Variants in CDH13 observed in about 807,000 individuals in gnomAD.
CDH13 encodes the protein cadherin 13.
In CDH13, 24 loss-of-function variants were observed where a neutral mutation model predicts 63.8. The observed-to-expected ratio is 0.38, with a 90% CI of 0.27 to 0.53. The LOEUF is 0.53. Ranked by LOEUF, CDH13 falls within the 20% of genes least tolerant of loss-of-function variation. The probability of loss-of-function intolerance (pLI) is 0.85; values close to 1 mark genes in which losing one functional copy is unlikely to be tolerated. For missense variants in CDH13, 1,049 were observed against 903.1 expected (o/e 1.16, Z -2.07); for synonymous variants, 503 against 355.3 (o/e 1.42, Z -4.67).
chr16:83,291,640 A>G (rs1356401484), intron 5 of CDH13, among the ~76,000 whole-genome samples: 1 of 152,172 alleles, frequency 6.6e-6, no homozygotes, highest in African/African-American at 2.4e-5. Context: ...GGTGGCCGTC[A>G]TAACTGTTTG....
intron 3 of CDH13, among the ~76,000 whole-genome samples, chr16:83,042,740 G>A (rs1318504366): frequency 3.9e-5 from 6 of 152,146 alleles, no homozygotes. Context: ...TAATTACCTT[G>A]TCTCTAAACC....
chr16:83,223,715 A>T (rs1029991098), intron 5 of CDH13, among the ~76,000 whole-genome samples: 1 of 152,244 alleles, frequency 6.6e-6, no homozygotes, highest in Non-Finnish European at 1.5e-5. Context: ...GCAGGACTCT[A>T]GGTGCAAGAG....
At chr16:83,458,837 C>A (rs550096907) in intron 6 of CDH13, among the ~76,000 whole-genome samples, 1 of 152,298 alleles carries the variant, frequency 6.6e-6, no homozygotes, top group South Asian at 2.1e-4. Flanking sequence ...TGACTCAACC[C>A]AAGTCTGATG....
intron 7 of CDH13, among the ~76,000 whole-genome samples, chr16:83,496,964 C>G (rs1380154496): frequency 6.6e-6 from 1 of 152,170 alleles, no homozygotes; most frequent in Non-Finnish European, 1.5e-5. Context: ...CAATGAGATA[C>G]CATCTCACAC....
chr16:83,117,800 C>G (rs1010006154), intron 3 of CDH13, among the ~76,000 whole-genome samples: 30 of 152,190 alleles, frequency 2.0e-4, no homozygotes, highest in African/African-American at 6.8e-4. Context: ...CTCCCCTGCC[C>G]CTCACTGTTT....
intron 7 of CDH13, among the ~76,000 whole-genome samples, chr16:83,531,327 T>C (rs2075077793): frequency 1.3e-5 from 2 of 152,122 alleles, no homozygotes; most frequent in Non-Finnish European, 2.9e-5. Context: ...CACAGTATAA[T>C]AGAAATAGGA....
At chr16:82,918,769 G>A (rs918843631) in intron 2 of CDH13, among the ~76,000 whole-genome samples, 2 of 151,910 alleles carry the variant, frequency 1.3e-5, no homozygotes, top group East Asian at 1.9e-4. Context: ...TCAACCCCCC[G>A]ACAAAATGCT....
intron 6 of CDH13, among the ~76,000 whole-genome samples, chr16:83,441,926 G>A (rs1375464742): frequency 6.6e-6 from 1 of 152,170 alleles, no homozygotes; most frequent in Non-Finnish European, 1.5e-5. Flanking sequence ...ACATCCCTAT[G>A]AGGTAGGGAT....
intron 6 of CDH13, among the ~76,000 whole-genome samples, chr16:83,474,674 G>A (rs534408052): frequency 2.0e-5 from 3 of 152,314 alleles, no homozygotes; most frequent in Admixed American, 6.5e-5. Flanking sequence ...CAGAAGCCAA[G>A]GAAATAGCAG....
chr16:83,400,023 A>T (rs1191990912), intron 6 of CDH13, among the ~76,000 whole-genome samples: 1 of 152,218 alleles, frequency 6.6e-6, no homozygotes, highest in Non-Finnish European at 1.5e-5. Flanking sequence ...CCTAATGGTT[A>T]CATCTGTTTT....
chr16:82,795,722 C>T (rs948172585), intron 1 of CDH13, among the ~76,000 whole-genome samples: 1 of 152,286 alleles, frequency 6.6e-6, no homozygotes, highest in Non-Finnish European at 1.5e-5. Context: ...CCTAATCCAG[C>T]TCACTTCTGA....
chr16:83,223,254 G>A (rs1363500409), intron 5 of CDH13, among the ~76,000 whole-genome samples: 2 of 152,160 alleles, frequency 1.3e-5, no homozygotes, highest in African/African-American at 4.8e-5. Context: ...CTTGCAATAT[G>A]GTGCCTGGCA....
intron 1 of CDH13, among the ~76,000 whole-genome samples, chr16:82,666,448 CA>C: frequency 6.6e-6 from 1 of 152,342 alleles, no homozygotes; most frequent in East Asian, 1.9e-4. Context: ...GTTCCTTCCA[CA>C]TGGAGACCCA....
At chr16:83,479,493 A>G (rs2073702373) in intron 6 of CDH13, among the ~76,000 whole-genome samples, 1 of 152,142 alleles carries the variant, frequency 6.6e-6, no homozygotes, top group African/African-American at 2.4e-5. Flanking sequence ...CATCTCTACT[A>G]AAAATACAAA....
rs530778805 is a variant in CDH13 at position 83,537,234 on chromosome 16, A to G, written c.960+50579A>G. ...GTACAGAATAAGTATTTGTTGAGCA[A>G]GTAGATAAAACCAAAGAGCGATTTT... On this transcript the variant is annotated intron_variant, in intron 7 of 13. Transcript: ENST00000567109. 3.9e-5 allele frequency among the ~76,000 whole-genome samples: 6 copies of G among 152,344 alleles called. No individual in the cohort carries two copies. In the South Asian group the frequency reaches 1.0e-3, roughly 26 times the overall value.
In CDH13 at chr16:83,634,114, T is replaced by TG. The variant is rs774723959; in HGVS notation, c.1101+31520_1101+31521insG. On this transcript the variant is annotated intron_variant, in intron 8 of 13. Coordinates refer to ENST00000567109, the MANE Select transcript of CDH13 (RefSeq NM_001257.5). ...GAAGTCTCCACCCATTTTTGTGTGT[T>TG]TTCTGTGTGTGTGTGTGTGTATGTG... Among the ~76,000 whole-genome samples, 18 of 70,558 alleles carry TG rather than the reference T, an allele frequency of 2.6e-4. 1 individual carries two copies. In the Admixed American group the frequency reaches 2.9e-3, roughly 11 times the overall value. The allele number at this position is 70,558 out of a possible 152,430, so 46.3% of individuals were successfully genotyped here. A position where few individuals can be genotyped will look rare whatever the true frequency, so the allele number is the denominator to read the frequency against.
chr16:82,759,823 C>T (rs999316725), intron 1 of CDH13, among the ~76,000 whole-genome samples: 1 of 151,964 alleles, frequency 6.6e-6, no homozygotes, highest in Non-Finnish European at 1.5e-5. Flanking sequence ...GTAATTCTCC[C>T]CTATCCTGAC....
chr16:83,332,617 C>G (rs1218607156), intron 5 of CDH13, among the ~76,000 whole-genome samples: 2 of 152,042 alleles, frequency 1.3e-5, no homozygotes, highest in Admixed American at 6.6e-5. Flanking sequence ...CACAAAAATC[C>G]CCTTAACCCT....
At chr16:83,699,581 G>A (rs914653275) in intron 10 of CDH13, among the ~76,000 whole-genome samples, 1 of 152,110 alleles carries the variant, frequency 6.6e-6, no homozygotes, top group Non-Finnish European at 1.5e-5. Context: ...CCAGCCTGTG[G>A]CATCCCATGT....
Sources: gnomAD v4.1 joint callset for allele counts (sites outside exome capture counted in the v4.1 genomes callset) on GRCh38, gnomAD v4.1.1 for gene constraint, MANE v1.5 for transcripts, NCBI Gene and HGNC (gene_info 2026-07-23, HGNC 2026-07-21) for gene names.